HDAC9: variants seen among roughly 807,000 people sequenced by gnomAD.
The protein encoded by HDAC9 is histone deacetylase 9.
Under a neutral mutation model 139.4 loss-of-function variants are expected in HDAC9, and 41 were observed. That is an observed-to-expected ratio of 0.29 (90% CI 0.23 to 0.38). The LOEUF is 0.38. Among genes scored for constraint, HDAC9 ranks in the 10% least tolerant of loss-of-function variants. The probability of loss-of-function intolerance (pLI) is 1.00; values close to 1 mark genes in which losing one functional copy is unlikely to be tolerated. For synonymous variants in HDAC9, 517 were observed against 476.2 expected, an observed-to-expected ratio of 1.09 and a Z score of -1.12; for missense variants, 1,147 against 1,297.0, an observed-to-expected ratio of 0.88 and a Z score of 1.78.
At chr7:18,933,587 A>T (rs1189102743) in intron 22 of HDAC9, among the ~76,000 whole-genome samples, 2 of 152,056 alleles carry the variant, frequency 1.3e-5, no homozygotes, top group African/African-American at 2.4e-5. Context: ...TTTCACATAT[A>T]AAGTTACAAT....
chr7:18,491,732 A>C (rs1475184142), upstream of HDAC9, among the ~76,000 whole-genome samples: 2 of 151,978 alleles, frequency 1.3e-5, no homozygotes, highest in African/African-American at 4.8e-5. Context: ...CTGATGTCCA[A>C]GGCATTCGAA....
chr7:18,381,622 T>C (rs1467226526), intron 1 of HDAC9, among the ~76,000 whole-genome samples: 1 of 152,038 alleles, frequency 6.6e-6, no homozygotes, highest in Non-Finnish European at 1.5e-5. Context: ...TAAGAAAAAG[T>C]GAGAATAGAC....
At chr7:18,995,223 C>A (rs940595767) in intron 25 of HDAC9, among the ~76,000 whole-genome samples, 1 of 152,194 alleles carries the variant, frequency 6.6e-6, no homozygotes, top group Admixed American at 6.5e-5. Flanking sequence ...AGAGCTCAGA[C>A]GCAAACTCAA....
At chr7:18,956,392 A>C (rs567246309) in intron 24 of HDAC9, among the ~76,000 whole-genome samples, 1 of 152,254 alleles carries the variant, frequency 6.6e-6, no homozygotes, top group Non-Finnish European at 1.5e-5. Flanking sequence ...GCTAAATTAG[A>C]GGATAATCAT....
At chr7:18,726,499 A>G (rs1785557361) in intron 12 of HDAC9, among the ~76,000 whole-genome samples, 1 of 152,172 alleles carries the variant, frequency 6.6e-6, no homozygotes, top group African/African-American at 2.4e-5. Context: ...TAGACGTTTA[A>G]AAATACTTTG....
chr7:18,976,216 C>T (rs147870354), intron 25 of HDAC9, among the ~76,000 whole-genome samples: 211 of 152,326 alleles, frequency 1.4e-3, no homozygotes, highest in African/African-American at 4.9e-3. Flanking sequence ...AGAAAAATCA[C>T]GCCTTATCAG....
chr7:18,156,564 T>C (rs1230610715), intron 1 of HDAC9, among the ~76,000 whole-genome samples: 1 of 152,210 alleles, frequency 6.6e-6, no homozygotes, highest in Non-Finnish European at 1.5e-5. Context: ...CACTTATTCA[T>C]CAGGAACTTA....
intron 1 of HDAC9, among the ~76,000 whole-genome samples, chr7:18,331,735 G>A (rs567953079): frequency 6.6e-6 from 1 of 151,650 alleles, no homozygotes. Flanking sequence ...AGGTGATGAA[G>A]TAGTGGACTG....
At chr7:18,783,898 T>A (rs566319536) in intron 16 of HDAC9, among the ~76,000 whole-genome samples, 1 of 152,086 alleles carries the variant, frequency 6.6e-6, no homozygotes, top group African/African-American at 2.4e-5. Context: ...ATGCTATCAT[T>A]TCCTTAAGAC....
intron 12 of HDAC9, among the ~76,000 whole-genome samples, chr7:18,682,201 A>G (rs754012437): frequency 2.0e-5 from 3 of 152,072 alleles, no homozygotes; most frequent in African/African-American, 7.2e-5. Context: ...TATGATCTGC[A>G]TAGATTTTGC....
In HDAC9 at chr7:18,424,964, G is replaced by A. The variant is rs550932255; in HGVS notation, c.-41-71298G>A. On this transcript the variant is annotated intron_variant, in intron 1 of 3. Coordinates refer to the HDAC9 transcript ENST00000413509. ...ATATGTTTTATGATTTCCTAGTTCA[G>A]AATATTCTATTATTGTATATTCAAA... Among the ~76,000 whole-genome samples the A allele has an allele frequency of 2.6e-5, 4 of 152,172 alleles. No homozygotes were observed. The East Asian group carries it at 7.7e-4, about 29-fold the overall frequency.
intron 22 of HDAC9, among the ~76,000 whole-genome samples, chr7:18,893,788 T>C (rs9648246): frequency 0.51 from 76,858 of 151,954 alleles, 21,165 homozygotes; most frequent in East Asian, 0.65. Context: ...GTTTGTGATT[T>C]TTAAAAGGGT....
At chr7:18,636,772 T>C (rs1436249841) in intron 8 of HDAC9, among the ~76,000 whole-genome samples, 1 of 152,136 alleles carries the variant, frequency 6.6e-6, no homozygotes, top group Non-Finnish European at 1.5e-5. Context: ...TATTGGGTTA[T>C]TAGTTGTAGA....
intron 1 of HDAC9, among the ~76,000 whole-genome samples, chr7:18,317,468 G>C (rs1799731587): frequency 1.3e-5 from 2 of 152,130 alleles, no homozygotes; most frequent in African/African-American, 4.8e-5. Context: ...TGATAAATTT[G>C]AATCTTAAAA....
chr7:18,311,662 G>A (rs976902092), intron 1 of HDAC9, among the ~76,000 whole-genome samples: 11 of 152,176 alleles, frequency 7.2e-5, no homozygotes, highest in East Asian at 3.9e-4. Flanking sequence ...ACTATATTCT[G>A]TCTTACCTAG....
intron 12 of HDAC9, among the ~76,000 whole-genome samples, chr7:18,669,870 G>A (rs1378805389): frequency 1.3e-5 from 2 of 151,708 alleles, no homozygotes; most frequent in African/African-American, 2.4e-5. Context: ...CCTTCTCATT[G>A]GTGAAGGTGG....
intron 13 of HDAC9, among the ~76,000 whole-genome samples, chr7:18,735,372 T>C: frequency 6.6e-6 from 1 of 152,352 alleles, no homozygotes; most frequent in Non-Finnish European, 1.5e-5. Flanking sequence ...GTTTTAGGTC[T>C]AACATTTAAG....
At chr7:18,701,140 G>C (rs1350380927) in intron 12 of HDAC9, among the ~76,000 whole-genome samples, 1 of 131,152 alleles carries the variant, frequency 7.6e-6, no homozygotes, top group Admixed American at 7.6e-5. Context: ...TGAATACATA[G>C]AAACTTGTTC....
chr7:18,245,019 A>ATCTATCTATCTATCTG (rs1186334142), intron 2 of HDAC9, among the ~76,000 whole-genome samples: 1 of 151,862 alleles, frequency 6.6e-6, no homozygotes, highest in South Asian at 2.1e-4. Flanking sequence ...CTATCTATCT[A>ATCTATCTATCTATCTG]TCTATTGATG....
Sources: allele counts gnomAD v4.1 joint callset (sites outside exome capture counted in the v4.1 genomes callset), GRCh38; gene constraint gnomAD v4.1.1; transcripts MANE v1.5; gene names NCBI Gene and HGNC (gene_info 2026-07-23, HGNC 2026-07-21).